The following CSMD3 variants were observed in gnomAD, a reference collection of about 807,000 sequenced individuals.
The protein encoded by CSMD3 is CUB and Sushi multiple domains 3, also known as CUB and sushi domain-containing protein 3.
Under a neutral mutation model 435.2 loss-of-function variants are expected in CSMD3, and 177 were observed. The observed-to-expected ratio is 0.41, with a 90% CI of 0.36 to 0.46. CSMD3 has a LOEUF of 0.46. Ranked by LOEUF, CSMD3 falls within the 20% of genes least tolerant of loss-of-function variation. The pLI is 0.34. For synonymous variants in CSMD3, 1,656 were observed against 1,520.5 expected (o/e 1.09, Z -2.07); for missense variants, 4,265 against 4,504.6 (o/e 0.95, Z 1.52).
chr8:112,238,923 C>T (rs1813851894), intron 66 of CSMD3, among the ~76,000 whole-genome samples: 1 of 151,938 alleles, frequency 6.6e-6, no homozygotes, highest in South Asian at 2.1e-4. Flanking sequence ...CTGAGAAGGA[C>T]TCCATAGTTC....
intron 44 of CSMD3, among the ~76,000 whole-genome samples, chr8:112,336,276 G>T (rs545622965): frequency 6.6e-6 from 1 of 152,144 alleles, no homozygotes; most frequent in African/African-American, 2.4e-5. Context: ...TTTTATGGCA[G>T]AAATCCACTA....
intron 69 of CSMD3, 62 bp downstream of exon 69, chr8:112,231,481 GTC>G (rs1813081621): frequency 9.8e-7 from 1 of 1,018,814 alleles, no homozygotes; most frequent in African/African-American, 1.6e-5. Flanking sequence ...AGAATCCACA[GTC>G]TTTTTTTTAT....
chr8:112,742,418 T>A (rs1439699711), intron 13 of CSMD3, among the ~76,000 whole-genome samples: 2 of 152,016 alleles, frequency 1.3e-5, no homozygotes, highest in Admixed American at 1.3e-4. Context: ...AAATCTGTTT[T>A]TAAGCCATTA....
intron 13 of CSMD3, among the ~76,000 whole-genome samples, chr8:112,757,759 T>C (rs2077734434): frequency 6.6e-6 from 1 of 152,092 alleles, no homozygotes; most frequent in South Asian, 2.1e-4. Flanking sequence ...TCTAAGGAAT[T>C]ATATAATTTT....
At chr8:113,202,889 A>AT (rs1378120571) in intron 3 of CSMD3, among the ~76,000 whole-genome samples, 1 of 152,224 alleles carries the variant, frequency 6.6e-6, no homozygotes, top group African/African-American at 2.4e-5. Flanking sequence ...AAATCAATAC[A>AT]TTTTTCACCT....
chr8:113,232,436 A>T (rs2093099226), intron 3 of CSMD3, among the ~76,000 whole-genome samples: 1 of 151,634 alleles, frequency 6.6e-6, no homozygotes, highest in African/African-American at 2.4e-5. Flanking sequence ...TACATTTGGG[A>T]TTGTATTAAA....
intron 20 of CSMD3, among the ~76,000 whole-genome samples, chr8:112,640,203 C>A (rs1264746581): frequency 1.3e-5 from 2 of 152,062 alleles, no homozygotes; most frequent in African/African-American, 4.8e-5. Flanking sequence ...AACACACACA[C>A]TCAAATACAC....
chr8:112,674,690 C>A (rs2075733619), intron 16 of CSMD3, among the ~76,000 whole-genome samples: 1 of 152,146 alleles, frequency 6.6e-6, no homozygotes, highest in South Asian at 2.1e-4. Flanking sequence ...TCACCAATTT[C>A]TTTTCTTTTG....
intron 1 of CSMD3, among the ~76,000 whole-genome samples, chr8:113,435,553 C>G (rs548154373): frequency 6.6e-6 from 1 of 152,194 alleles, no homozygotes; most frequent in East Asian, 1.9e-4. Flanking sequence ...GAAGAAGCGT[C>G]CAGTTTGTGT....
At chr8:112,448,578 C>T (rs71528420) in intron 32 of CSMD3, among the ~76,000 whole-genome samples, 1 of 152,252 alleles carries the variant, frequency 6.6e-6, no homozygotes, top group South Asian at 2.1e-4. Context: ...GAAACAGATT[C>T]TTCTCTACAG....
chr8:112,426,031 C>G (rs1387526564), intron 32 of CSMD3, among the ~76,000 whole-genome samples: 1 of 152,062 alleles, frequency 6.6e-6, no homozygotes, highest in African/African-American at 2.4e-5. Flanking sequence ...AGTTCTATTT[C>G]TTTGTCTTAC....
chr8:112,345,275 A>G (rs920978786), intron 41 of CSMD3, among the ~76,000 whole-genome samples: 1 of 152,214 alleles, frequency 6.6e-6, no homozygotes, highest in Non-Finnish European at 1.5e-5. Context: ...AATCTTGAAG[A>G]GATATCTTCA....
chr8:113,016,035 T>C (rs912526387), intron 6 of CSMD3, among the ~76,000 whole-genome samples: 1 of 151,816 alleles, frequency 6.6e-6, no homozygotes, highest in Non-Finnish European at 1.5e-5. Context: ...TGACATAATA[T>C]TGAAGTGAAT....
chr8:113,260,612 C>CA (rs1051201836), intron 3 of CSMD3, among the ~76,000 whole-genome samples: 10 of 152,004 alleles, frequency 6.6e-5, no homozygotes, highest in African/African-American at 2.4e-4. Context: ...TCTCCGAATC[C>CA]TTTTTTTTCT....
intron 5 of CSMD3, among the ~76,000 whole-genome samples, chr8:113,020,852 T>C (rs1480512594): frequency 6.6e-6 from 1 of 152,140 alleles, no homozygotes; most frequent in Non-Finnish European, 1.5e-5. Context: ...ATTGTATATG[T>C]AATCAGTGTT....
intron 6 of CSMD3, among the ~76,000 whole-genome samples, chr8:112,988,081 T>C (rs117118546): frequency 0.018 from 2,715 of 152,072 alleles, 27 homozygotes; most frequent in Non-Finnish European, 0.029. Flanking sequence ...GTCATCTGCC[T>C]TCATAGAAAA....
At chr8:112,409,128 A>T (rs186079356) in intron 32 of CSMD3, 96 bp from the exon 33 acceptor site, 3 of 1,574,732 alleles carry the variant, frequency 1.9e-6, no homozygotes, top group Non-Finnish European at 2.6e-6. Flanking sequence ...GAGAGAGAAC[A>T]AAGTATTACA....
intron 3 of CSMD3, among the ~76,000 whole-genome samples, chr8:113,202,958 T>C (rs1272353400): frequency 6.6e-6 from 1 of 152,124 alleles, no homozygotes; most frequent in African/African-American, 2.4e-5. Flanking sequence ...TGGCAATTTA[T>C]GGAATTACAG....
intron 3 of CSMD3, among the ~76,000 whole-genome samples, chr8:113,276,153 C>T (rs1205141155): frequency 6.6e-6 from 1 of 152,016 alleles, no homozygotes. Context: ...CAAATAATGC[C>T]CCTCTACCTC....
Sources: gnomAD v4.1 joint callset for allele counts (sites outside exome capture counted in the v4.1 genomes callset) on GRCh38, gnomAD v4.1.1 for gene constraint, MANE v1.5 for transcripts, NCBI Gene and HGNC (gene_info 2026-07-23, HGNC 2026-07-21) for gene names.